ZER1: variants seen among roughly 807,000 people sequenced by gnomAD.
ZER1 encodes the protein protein zer-1 homolog.
Under a neutral mutation model 78.8 loss-of-function variants are expected in ZER1, and 11 were observed. The ratio of observed to expected loss-of-function variants is 0.14; its 90% CI spans 0.09 to 0.23. The LOEUF (loss-of-function observed/expected upper bound fraction) is 0.23. Ranked by LOEUF, ZER1 falls within the 10% of genes least tolerant of loss-of-function variation. The pLI, the probability that ZER1 is intolerant of heterozygous loss-of-function variation, is 1.00. For missense variants in ZER1, 588 were observed against 996.9 expected (o/e 0.59, Z 5.52); for synonymous variants, 400 against 407.0 (o/e 0.98, Z 0.21).
chr9:128,734,443 C>T (rs548055006), intron 14 of ZER1, among the ~76,000 whole-genome samples: 5 of 151,288 alleles, frequency 3.3e-5, no homozygotes, highest in South Asian at 4.2e-4. Flanking sequence ...ATGATCTGCC[C>T]GTCTCAGCCT....
At chr9:128,734,387 G>T (rs1002824238) in intron 14 of ZER1, among the ~76,000 whole-genome samples, 1 of 150,440 alleles carries the variant, frequency 6.6e-6, no homozygotes, top group African/African-American at 2.4e-5. Flanking sequence ...AGTAGAGACG[G>T]GGTTTCACTA....
At chr9:128,741,779 C>T (rs1185072754) in intron 10 of ZER1, 21 bp downstream of exon 10, 1 of 1,614,170 alleles carries the variant, frequency 6.2e-7, no homozygotes, top group Non-Finnish European at 8.5e-7. Context: ...GGTAGCGTGG[C>T]TTCGTGAAGA....
At chr9:128,761,125 T>C (rs1429072020) in intron 1 of ZER1, among the ~76,000 whole-genome samples, 1 of 130,990 alleles carries the variant, frequency 7.6e-6, no homozygotes, top group Non-Finnish European at 1.6e-5. Context: ...GCCACTGCAC[T>C]CCAGCCTGGG....
intron 13 of ZER1, among the ~76,000 whole-genome samples, chr9:128,738,189 C>T (rs1398829142): frequency 4.1e-5 from 6 of 147,806 alleles, no homozygotes; most frequent in East Asian, 2.0e-4. Context: ...GGACTACAGG[C>T]GCATGCCACC....
At position 128,751,224 on chromosome 9, in the gene ZER1, C is replaced by G; in HGVS notation, c.1083G>C (p.Glu361Asp). 1.2e-6 allele frequency: 2 copies of G among 1,605,746 alleles called. No individual in the cohort carries two copies. Among genetic ancestry groups the G allele is most frequent in the Non-Finnish European group, 1.7e-6 (2 of 1,173,040 alleles). The change falls in exon 7 of 16, where the codon GAG becomes GAC. Residue 361 changes from glutamate to aspartate, a missense_variant. Coordinates refer to ENST00000291900, the MANE Select transcript of ZER1 (RefSeq NM_006336.4). The surrounding 1 kb of genome is among the most constrained non-coding windows in gnomAD (Gnocchi z 5.4). ...TCTCAGGCCGGTGCTCCGTGTAGGC[C>G]TCGATGGCATTCAGCACCTGCTCTT... is the stretch of plus-strand genomic sequence containing the variant. ...KNEEQVLNAI[E>D]AYTEHRPEIT... is the part of the protein sequence containing the mutation.
chr9:128,739,881 C>T, intron 13 of ZER1, 50 bp downstream of exon 13: 2 of 1,572,488 alleles, frequency 1.3e-6, no homozygotes, highest in Non-Finnish European at 1.7e-6. Flanking sequence ...TCCTGCCCAG[C>T]ACTTACCCCA....
At chr9:128,761,612 T>G (rs1372921411) in intron 1 of ZER1, among the ~76,000 whole-genome samples, 3 of 147,814 alleles carry the variant, frequency 2.0e-5, no homozygotes, top group East Asian at 4.0e-4. Flanking sequence ...TGTTTTTTTT[T>G]TTTTTTTTTT....
intron 1 of ZER1, among the ~76,000 whole-genome samples, chr9:128,757,933 A>T (rs1476093597): frequency 2.6e-5 from 4 of 152,200 alleles, no homozygotes; most frequent in Non-Finnish European, 5.9e-5. Flanking sequence ...GATCTACACT[A>T]GAATGTTCAC....
At chr9:128,766,919 C>CTTAT (rs71381802) in intron 1 of ZER1, among the ~76,000 whole-genome samples, 61,811 of 137,714 alleles carry the variant, frequency 0.45, 14,467 homozygotes, top group East Asian at 0.68. Flanking sequence ...TCACAGATAA[C>CTTAT]TTATTTATTT....
At chr9:128,770,316 G>A (rs949015779) in intron 1 of ZER1, among the ~76,000 whole-genome samples, 4 of 152,058 alleles carry the variant, frequency 2.6e-5, no homozygotes, top group Non-Finnish European at 4.4e-5. Context: ...TTTTAGTAGA[G>A]ATGGGGTTTC....
chr9:128,751,030 A>T lies in ZER1; in HGVS notation c.1185+92T>A. ...TGGGGCCCTGGGGACAGGGTGCAGA[A>T]GGACACAGGCTCTGGGGACACGGCT... On this transcript the variant is annotated intron_variant, in intron 7 of 15. Transcript: ENST00000291900. This position sits in a 1 kb window ranked among gnomAD's most constrained non-coding sequence, Gnocchi z 5.4. 6.7e-7 allele frequency: 1 copy of T among 1,495,310 alleles called. No individual in the cohort carries two copies. Among genetic ancestry groups the T allele is most frequent in the Non-Finnish European group, 8.9e-7 (1 of 1,123,998 alleles). The allele number at this position is 1,495,310 out of a possible 1,614,324, so 92.6% of individuals were successfully genotyped here. A position where few individuals can be genotyped will look rare whatever the true frequency, so the allele number is the denominator to read the frequency against.
At chr9:128,736,618 C>A (rs1411499769) in intron 13 of ZER1, among the ~76,000 whole-genome samples, 3 of 151,694 alleles carry the variant, frequency 2.0e-5, no homozygotes, top group African/African-American at 4.8e-5. Flanking sequence ...TCCTGACCAC[C>A]CGCCTTGGCC....
chr9:128,751,604 C>T lies in ZER1; in HGVS notation c.924-77G>A. 1.6e-6 allele frequency: 2 copies of T among 1,243,816 alleles called. No individual in the cohort carries two copies. Among genetic ancestry groups the T allele is most frequent in the Non-Finnish European group, 2.3e-6 (2 of 865,254 alleles). The allele number at this position is 1,243,816 out of a possible 1,614,324, so 77.0% of individuals were successfully genotyped here. A position where few individuals can be genotyped will look rare whatever the true frequency, so the allele number is the denominator to read the frequency against. ...GGCCTCCCCACTGGGGGTGGTGAGG[C>T]ATTTCCTTGCTTTCTCTTCTAGGCC... is the stretch of plus-strand genomic sequence containing the variant. On this transcript the variant is annotated intron_variant, in intron 5 of 15. Coordinates refer to ENST00000291900, the MANE Select transcript of ZER1 (RefSeq NM_006336.4). The surrounding 1 kb of genome is among the most constrained non-coding windows in gnomAD (Gnocchi z 5.4).
intron 15 of ZER1, chr9:128,733,169 G>A: frequency 2.3e-6 from 1 of 443,314 alleles, no homozygotes; most frequent in Admixed American, 3.3e-5. Context: ...AATTTGTTGG[G>A]AATAAAAGAA....
chr9:128,770,192 C>T lies in ZER1; in HGVS notation c.-95+1389G>A, dbSNP rs116614096. ...GGCTGGAATGCAATGGGCACAATCT[C>T]GGCTCACTGCAACCTCCACCTCTCA... On this transcript the variant is annotated intron_variant, in intron 1 of 15. Transcript: ENST00000291900. Among the ~76,000 whole-genome samples the T allele has an allele frequency of 9.7e-3, 1,475 of 152,206 alleles. 22 individuals are homozygous for T. The highest frequency in any genetic ancestry group is 0.029 in the African/African-American group (1,193 of 41,522).
At chr9:128,743,237 C>A (rs1057098344) in intron 8 of ZER1, among the ~76,000 whole-genome samples, 4 of 152,030 alleles carry the variant, frequency 2.6e-5, no homozygotes, top group Non-Finnish European at 5.9e-5. Flanking sequence ...CCTGCCTCAG[C>A]CTCCTGAGTA....
chr9:128,752,645 C>T, intron 5 of ZER1, 28 bp downstream of exon 5: 2 of 1,594,880 alleles, frequency 1.3e-6, no homozygotes, highest in Admixed American at 1.7e-5. Context: ...TGACACCCTA[C>T]CAGTAGCCAT....
At position 128,740,629 on chromosome 9, in the gene ZER1, G is replaced by T. The variant is rs908692111; in HGVS notation, c.1853+143C>A. Reference sequence around the variant, plus strand: ...ACAAAAGGACCACTTACGAAGGATTGAATGAATAAGAAACCACATTATCGA... The same window carrying T: ...ACAAAAGGACCACTTACGAAGGATTTAATGAATAAGAAACCACATTATCGA... On this transcript the variant is annotated intron_variant, in intron 12 of 15. Coordinates refer to ENST00000291900, the MANE Select transcript of ZER1 (RefSeq NM_006336.4). This position sits in a 1 kb window ranked among gnomAD's most constrained non-coding sequence, Gnocchi z 4.4. 5.2e-5 allele frequency: 30 copies of T among 573,228 alleles called. No homozygotes were observed. The highest frequency in any genetic ancestry group is 5.1e-4 in the African/African-American group (27 of 53,306). 35.5% of individuals were successfully genotyped at this position (573,228 alleles called of 1,614,324 possible). A position where few individuals can be genotyped will look rare whatever the true frequency, so the allele number is the denominator to read the frequency against.
At position 128,731,293 on chromosome 9, in the gene ZER1, C is replaced by T; in HGVS notation, c.*44G>A. On this transcript the variant is annotated 3_prime_UTR_variant, in exon 16 of 16. Coordinates refer to ENST00000291900, the MANE Select transcript of ZER1 (RefSeq NM_006336.4). ...TGGGCTGCTTGAGCATGCTTCCTCCCCGCCTGTGGTCCAGAGCGGTGGCGG... is the reference window on the plus strand; with the variant it reads ...TGGGCTGCTTGAGCATGCTTCCTCCTCGCCTGTGGTCCAGAGCGGTGGCGG... The T allele has an allele frequency of 6.2e-7, 1 of 1,602,000 alleles. No individual in the cohort carries two copies. The highest frequency in any genetic ancestry group is 1.1e-5 in the South Asian group (1 of 90,044).
Sources: allele counts gnomAD v4.1 joint callset (sites outside exome capture counted in the v4.1 genomes callset), GRCh38; gene constraint gnomAD v4.1.1; non-coding constraint Gnocchi (gnomAD v3.1); transcripts MANE v1.5; gene names NCBI Gene and HGNC (gene_info 2026-07-23, HGNC 2026-07-21).